The following SLC26A3 variants were observed in gnomAD, a reference collection of about 807,000 sequenced individuals.
SLC26A3 encodes solute carrier family 26 member 3.
SLC26A3 carries 64 observed loss-of-function variants against 85.6 expected under a neutral mutation model. That is an observed-to-expected ratio of 0.75 (90% CI 0.61 to 0.92). The LOEUF is 0.92. Ranked by LOEUF, SLC26A3 falls within the 40% of genes least tolerant of loss-of-function variation. The probability of loss-of-function intolerance (pLI) is 0.00; values close to 1 mark genes in which losing one functional copy is unlikely to be tolerated. For synonymous variants in SLC26A3, 349 were observed against 336.0 expected (o/e 1.04, Z -0.42); for missense variants, 922 against 927.3 (o/e 0.99, Z 0.07).
chr7:107,786,894 C>G lies in SLC26A3; in HGVS notation c.904G>C (p.Gly302Arg), dbSNP rs1286687094. 1 of 1,614,064 alleles carries G rather than the reference C, an allele frequency of 6.2e-7. No homozygotes were observed. Among genetic ancestry groups the G allele is most frequent in the African/African-American group, 1.3e-5 (1 of 75,054 alleles). Residue 302 changes from glycine to arginine, a missense_variant, in exon 8 of 21, where the codon GGT becomes CGT. Coordinates refer to ENST00000340010, the MANE Select transcript of SLC26A3 (RefSeq NM_000111.3). ...IEFIMTVIAA[G>R]VSYGCDFKNR... ...TTAAAGTCACAGCCGTAGGATACAC[C>G]TGCTGCAATCACGGTCTGCAAAGTT...
At chr7:107,770,422 A>C (rs1317372916) in intron 18 of SLC26A3, among the ~76,000 whole-genome samples, 1 of 148,610 alleles carries the variant, frequency 6.7e-6, no homozygotes, top group Non-Finnish European at 1.5e-5. Flanking sequence ...ACACCCAGCT[A>C]ACATTTTTTT....
intron 1 of SLC26A3, among the ~76,000 whole-genome samples, chr7:107,799,611 C>T (rs892255178): frequency 3.3e-5 from 5 of 152,094 alleles, no homozygotes; most frequent in South Asian, 2.1e-4. Flanking sequence ...AGGCTGGTCT[C>T]GAACTCCTGG....
At chr7:107,788,276 C>T (rs549135128) in intron 6 of SLC26A3, among the ~76,000 whole-genome samples, 1 of 152,240 alleles carries the variant, frequency 6.6e-6, no homozygotes, top group East Asian at 1.9e-4. Context: ...TAACACTTCT[C>T]CTATATTTGA....
At chr7:107,776,591 G>T (rs750934551) in intron 14 of SLC26A3, 46 bp downstream of exon 14, 2 of 1,605,478 alleles carry the variant, frequency 1.2e-6, no homozygotes, top group Non-Finnish European at 1.7e-6. Flanking sequence ...TAGATCCATA[G>T]TTAATATCAT....
rs747436018 is a variant in SLC26A3, at chr7:107,794,527, C to A, written c.-18G>T. ...TCAATCATTTTGATTTTTCTGTTGG[C>A]TGTGGCAAGTTGAAGACCTTTGCAA... is the stretch of plus-strand genomic sequence containing the variant. On this transcript the variant is annotated 5_prime_UTR_variant, in exon 2 of 21. Transcript: ENST00000340010. The A allele has an allele frequency of 1.2e-6, 2 of 1,613,634 alleles. No homozygotes were observed. Among genetic ancestry groups the A allele is most frequent in the Non-Finnish European group, 1.7e-6 (2 of 1,179,774 alleles).
chr7:107,800,592 A>C (rs918536034), intron 1 of SLC26A3, among the ~76,000 whole-genome samples: 1 of 152,262 alleles, frequency 6.6e-6, no homozygotes, highest in Non-Finnish European at 1.5e-5. Context: ...GAGTTTCCCA[A>C]GGGCAAGGCC....
At position 107,774,120 on chromosome 7, in the gene SLC26A3, CT is replaced by C; in HGVS notation, c.1806del (p.Asp603IlefsTer11). ...KGFICTVDTI[K>X]DSDEELDNNQ... ...TTGTTGTCCAGCTCTTCGTCAGAATCTTTTATGGTGTCAACAGTACATATAA... is the reference window on the plus strand; with the variant it reads ...TTGTTGTCCAGCTCTTCGTCAGAATCTTTATGGTGTCAACAGTACATATAA... On this transcript the variant is annotated frameshift_variant, in exon 17 of 21. Coordinates refer to ENST00000340010, the MANE Select transcript of SLC26A3 (RefSeq NM_000111.3). LOFTEE classifies it high-confidence loss of function. 6.2e-7 allele frequency: 1 copy of C among 1,614,120 alleles called. No homozygotes were observed. The highest frequency in any genetic ancestry group is 8.5e-7 in the Non-Finnish European group (1 of 1,179,970).
intron 3 of SLC26A3, 83 bp downstream of exon 3, chr7:107,793,659 T>G (rs1421482230): frequency 9.7e-7 from 1 of 1,033,370 alleles, no homozygotes; most frequent in Non-Finnish European, 1.5e-6. Context: ...CACAACCTAG[T>G]GAATATACGA....
At position 107,785,656 on chromosome 7, in the gene SLC26A3, T is replaced by C. The variant is rs74501936; in HGVS notation, c.971+1171A>G. 3.5e-3 allele frequency among the ~76,000 whole-genome samples: 531 copies of C among 152,328 alleles called. 6 individuals are homozygous for C. Among genetic ancestry groups the C allele is most frequent in the African/African-American group, 0.012 (507 of 41,566 alleles). ...GAAACCCTAGAAACAGTCTTTCAGT[T>C]TCAGCCTAATTTCCACTTTAAAACT... is the stretch of plus-strand genomic sequence containing the variant. On this transcript the variant is annotated intron_variant, in intron 8 of 20. Transcript: ENST00000340010.
intron 5 of SLC26A3, among the ~76,000 whole-genome samples, chr7:107,790,519 A>G (rs1184582894): frequency 6.6e-6 from 1 of 152,240 alleles, no homozygotes; most frequent in Admixed American, 6.5e-5. Flanking sequence ...TGACATTTTC[A>G]GTATTCAGCA....
chr7:107,767,416 C>A (rs868367584), intron 20 of SLC26A3, among the ~76,000 whole-genome samples, 163 bp downstream of exon 20: 1 of 152,106 alleles, frequency 6.6e-6, no homozygotes, highest in African/African-American at 2.4e-5. Flanking sequence ...CCTGAAAACT[C>A]CCTGTGAGAT....
chr7:107,778,150 G>A, intron 13 of SLC26A3, 25 bp downstream of exon 13: 1 of 1,510,708 alleles, frequency 6.6e-7, no homozygotes, highest in South Asian at 1.1e-5. Context: ...AGCCTGCCAG[G>A]ATGCAGAGCA....
chr7:107,796,820 G>C (rs1017404983), intron 1 of SLC26A3, among the ~76,000 whole-genome samples: 1 of 151,336 alleles, frequency 6.6e-6, no homozygotes, highest in South Asian at 2.1e-4. Context: ...TTGTACTTCT[G>C]TCAGATGCTG....
intron 16 of SLC26A3, 88 bp from the exon 17 acceptor site, chr7:107,774,241 A>C: frequency 3.7e-6 from 4 of 1,068,682 alleles, no homozygotes; most frequent in Non-Finnish European, 5.8e-6. Context: ...AGAAGCACTG[A>C]TTCTGAGTTG....
chr7:107,796,094 CTTATTATTATTA>C (rs58164632), intron 1 of SLC26A3, among the ~76,000 whole-genome samples: 26,336 of 148,788 alleles, frequency 0.18, 2,599 homozygotes, highest in African/African-American at 0.26. Context: ...TTATGACTCC[CTTATTATTATTA>C]TTATTATTAT....
chr7:107,778,994 A>C (rs1794175036), intron 12 of SLC26A3, among the ~76,000 whole-genome samples: 1 of 151,918 alleles, frequency 6.6e-6, no homozygotes. Context: ...CTATCTCTTA[A>C]AAAAAAATCA....
chr7:107,790,972 G>T, intron 5 of SLC26A3, 76 bp downstream of exon 5: 2 of 1,465,986 alleles, frequency 1.4e-6, no homozygotes, highest in Non-Finnish European at 1.9e-6. Context: ...GTGGCAGGGG[G>T]GAGGAAAAAT....
chr7:107,768,892 G>A (rs893741290), intron 18 of SLC26A3, among the ~76,000 whole-genome samples: 8 of 152,130 alleles, frequency 5.3e-5, no homozygotes, highest in African/African-American at 1.9e-4. Context: ...GGGAGAGGGA[G>A]CGTGGAGGGC....
At chr7:107,786,953 G>C in intron 7 of SLC26A3, 44 bp from the exon 8 acceptor site, 1 of 1,500,354 alleles carries the variant, frequency 6.7e-7, no homozygotes, top group Non-Finnish European at 9.3e-7. Flanking sequence ...TGAGATGCAA[G>C]TAAGAGTCTT....
Sources: gnomAD v4.1 joint callset for allele counts (sites outside exome capture counted in the v4.1 genomes callset) on GRCh38, gnomAD v4.1.1 for gene constraint, MANE v1.5 for transcripts, NCBI Gene and HGNC (gene_info 2026-07-23, HGNC 2026-07-21) for gene names.